GFPT1: variants seen among roughly 807,000 people sequenced by gnomAD.
GFPT1 encodes glutamine--fructose-6-phosphate aminotransferase [isomerizing] 1.
GFPT1 carries 40 observed loss-of-function variants against 92.0 expected under a neutral mutation model. The observed-to-expected ratio is 0.43, with a 90% CI of 0.34 to 0.57. The LOEUF (loss-of-function observed/expected upper bound fraction) is 0.57, where lower values mean the gene tolerates loss of function less well. Among genes scored for constraint, GFPT1 ranks in the 20% least tolerant of loss-of-function variants. The pLI, the probability that GFPT1 is intolerant of heterozygous loss-of-function variation, is 0.02. For synonymous variants in GFPT1, 269 were observed against 280.6 expected, an observed-to-expected ratio of 0.96 and a Z score of 0.41; for missense variants, 448 against 869.1, an observed-to-expected ratio of 0.52 and a Z score of 6.09.
rs1486379707 is a variant in GFPT1 at position 69,356,155 on chromosome 2, G to A, written c.605+341C>T. Reference sequence around the variant, plus strand: ...ATTACAGGCATGTGCTACCACACCCGGCTAATTTTTCTATATTTAGTAGAG... The same window carrying A: ...ATTACAGGCATGTGCTACCACACCCAGCTAATTTTTCTATATTTAGTAGAG... On this transcript the variant is annotated intron_variant, in intron 7 of 19. Transcript: ENST00000357308. Among the ~76,000 whole-genome samples the A allele has an allele frequency of 5.9e-5, 9 of 151,822 alleles. No homozygotes were observed. The East Asian group carries it at 9.7e-4, about 16-fold the overall frequency.
intron 1 of GFPT1, among the ~76,000 whole-genome samples, chr2:69,379,832 G>A (rs1042503223): frequency 1.5e-4 from 23 of 152,090 alleles, no homozygotes; most frequent in Admixed American, 9.8e-4. Flanking sequence ...CAATTCTCCT[G>A]CCTCAGCCTC....
intron 1 of GFPT1, among the ~76,000 whole-genome samples, chr2:69,375,676 C>A (rs150677190): frequency 6.6e-6 from 1 of 152,108 alleles, no homozygotes; most frequent in Non-Finnish European, 1.5e-5. Context: ...TTTTTTTAAG[C>A]TTTCCTGTAA....
intron 12 of GFPT1, among the ~76,000 whole-genome samples, chr2:69,342,831 G>A (rs1368042105): frequency 2.0e-5 from 3 of 152,152 alleles, no homozygotes; most frequent in African/African-American, 7.2e-5. Flanking sequence ...CCCCTCTGGT[G>A]CCCAGAAAGG....
chr2:69,387,136 G>A lies in GFPT1; in HGVS notation c.-65C>T, dbSNP rs1672149192. 4 of 1,492,594 alleles carry A rather than the reference G, an allele frequency of 2.7e-6. No homozygotes were observed. The highest frequency in any genetic ancestry group is 3.6e-6 in the Non-Finnish European group (4 of 1,124,942). The allele number at this position is 1,492,594 out of a possible 1,614,324, so 92.5% of individuals were successfully genotyped here. On this transcript the variant is annotated 5_prime_UTR_variant, in exon 1 of 20. Coordinates refer to ENST00000357308, the MANE Select transcript of GFPT1 (RefSeq NM_001244710.2). ...CTGGCGGGATCGGGGGTGCACACAC[G>A]AGCTTCGGTGGGCAATCTGCGGGCT...
rs562114083 is a variant in GFPT1 at position 69,381,262 on chromosome 2, C to T, written c.7+5803G>A. 1.3e-4 allele frequency among the ~76,000 whole-genome samples: 20 copies of T among 152,234 alleles called. No individual in the cohort carries two copies. In the South Asian group the frequency reaches 3.9e-3, roughly 30 times the overall value. ...CCTCCCAAAGTGCTGGGATTATAGGCGTGAGCCACTGCGCCTGGCCAGAAT... is the reference window on the plus strand; with the variant it reads ...CCTCCCAAAGTGCTGGGATTATAGGTGTGAGCCACTGCGCCTGGCCAGAAT... On this transcript the variant is annotated intron_variant, in intron 1 of 19. Transcript: ENST00000357308.
rs1046051980 is a variant in GFPT1 at position 69,339,697 on chromosome 2, C to G, written c.1204-1132G>C. ...CTCAGCAATAAAGAACTTAAAGGTG[C>G]CCTTATTTCATAGCCCTTAACTTTT... On this transcript the variant is annotated intron_variant, in intron 13 of 19. Transcript: ENST00000357308. Among the ~76,000 whole-genome samples, 4 of 152,272 alleles carry G rather than the reference C, an allele frequency of 2.6e-5. No homozygotes were observed. The East Asian group carries it at 7.7e-4, about 29-fold the overall frequency.
rs1427643664 is a variant in GFPT1, at chr2:69,332,795, C to T, written c.1483-2997G>A. Among the ~76,000 whole-genome samples the T allele has an allele frequency of 3.3e-5, 5 of 151,570 alleles. No homozygotes were observed. In the East Asian group the frequency reaches 7.7e-4, roughly 23 times the overall value. ...ATTTATGCTGAGGGGTGTGTGTGTG[C>T]GCGCGCGGATTATATGCTGAATTTC... On this transcript the variant is annotated intron_variant, in intron 15 of 19. Coordinates refer to ENST00000357308, the MANE Select transcript of GFPT1 (RefSeq NM_001244710.2).
Position 69,320,484 on chromosome 2 carries a change from C to T in GFPT1, c.*5705G>A, listed in dbSNP as rs1670378764. ...CTAAAGATCCAAAGGGTATACAATA[C>T]CTGTCAAATTTGATATGTCTGGGCA... is the stretch of plus-strand genomic sequence containing the variant. On this transcript the variant is annotated 3_prime_UTR_variant, in exon 20 of 20. Coordinates refer to ENST00000357308, the MANE Select transcript of GFPT1 (RefSeq NM_001244710.2). 1 of 152,162 alleles carries T rather than the reference C, an allele frequency of 6.6e-6. No individual in the cohort carries two copies. Among genetic ancestry groups the T allele is most frequent in the African/African-American group, 2.4e-5 (1 of 41,402 alleles). The allele number at this position is 152,162 out of a possible 1,614,324, so 9.4% of individuals were successfully genotyped here.
intron 1 of GFPT1, among the ~76,000 whole-genome samples, chr2:69,385,119 A>G (rs935380441): frequency 2.0e-5 from 3 of 152,228 alleles, no homozygotes; most frequent in Non-Finnish European, 4.4e-5. Context: ...GTAAAACTCT[A>G]TGGAATGGAG....
At chr2:69,341,532 TA>T (rs1380469254) in intron 13 of GFPT1, among the ~76,000 whole-genome samples, 2 of 152,174 alleles carry the variant, frequency 1.3e-5, no homozygotes, top group African/African-American at 4.8e-5. Flanking sequence ...CTTCTGTTCA[TA>T]ACAGTTGACA....
chr2:69,378,977 G>C (rs575488480), intron 1 of GFPT1, among the ~76,000 whole-genome samples: 1 of 152,288 alleles, frequency 6.6e-6, no homozygotes, highest in Admixed American at 6.5e-5. Context: ...GCCAGGAGCA[G>C]TGGCTCACAT....
Position 69,375,280 on chromosome 2 carries a change from T to C in GFPT1, c.8-1167A>G, listed in dbSNP as rs1212112132. Among the ~76,000 whole-genome samples, 3 of 152,220 alleles carry C rather than the reference T, an allele frequency of 2.0e-5. 1 individual carries two copies. The highest frequency in any genetic ancestry group is 7.2e-5 in the African/African-American group (3 of 41,460). ...AACTTCCTTTTTTCTTAACTACATT[T>C]CACTGTAATTCTGATTCATAAGAAG... On this transcript the variant is annotated intron_variant, in intron 1 of 19. Transcript: ENST00000357308.
intron 10 of GFPT1, among the ~76,000 whole-genome samples, chr2:69,349,679 G>T (rs566999322): frequency 1.3e-5 from 2 of 152,136 alleles, no homozygotes; most frequent in Non-Finnish European, 2.9e-5. Flanking sequence ...TGTAAAAGAT[G>T]AGTATCTACA....
chr2:69,345,553 AT>A (rs1671062922), intron 12 of GFPT1, among the ~76,000 whole-genome samples: 1 of 152,250 alleles, frequency 6.6e-6, no homozygotes, highest in South Asian at 2.1e-4. Flanking sequence ...ATTCAGTGGC[AT>A]TAAGCACATT....
intron 7 of GFPT1, 73 bp downstream of exon 7, chr2:69,356,423 T>C: frequency 9.9e-7 from 1 of 1,011,412 alleles, no homozygotes; most frequent in South Asian, 1.3e-5. Context: ...AAGGGTCATG[T>C]ATAGTCTACG....
rs896588594 is a variant in GFPT1 at position 69,327,094 on chromosome 2, C to G, written c.1894-19G>C. The stretch of plus-strand genomic sequence containing the variant: ...GCCGCCCCTAGGAAAGAAAATCACA[C>G]ACATACACAACATCACTGGTGGGCA... On this transcript the variant is annotated intron_variant, in intron 18 of 19. Coordinates refer to ENST00000357308, the MANE Select transcript of GFPT1 (RefSeq NM_001244710.2). The G allele has an allele frequency of 3.1e-6, 5 of 1,612,606 alleles. No homozygotes were observed. In the African/African-American group the frequency reaches 6.7e-5, roughly 22 times the overall value.
At chr2:69,373,939 TA>T in intron 2 of GFPT1, 66 bp downstream of exon 2, 1 of 792,088 alleles carries the variant, frequency 1.3e-6, no homozygotes, top group Non-Finnish European at 2.2e-6. Flanking sequence ...TCTAGTCTCC[TA>T]ATAACAATAA....
chr2:69,370,143 A>T, intron 2 of GFPT1, 35 bp from the exon 3 acceptor site: 1 of 1,225,952 alleles, frequency 8.2e-7, no homozygotes, highest in African/African-American at 1.5e-5. Flanking sequence ...CAAAATTTAG[A>T]AACTGGCTAC....
chr2:69,345,284 C>T (rs367748526), intron 12 of GFPT1, among the ~76,000 whole-genome samples: 10 of 152,248 alleles, frequency 6.6e-5, no homozygotes, highest in African/African-American at 2.4e-4. Context: ...TGTACTCTCA[C>T]CTCTACCTTA....
Sources: gnomAD v4.1 joint callset for allele counts (sites outside exome capture counted in the v4.1 genomes callset) on GRCh38, gnomAD v4.1.1 for gene constraint, MANE v1.5 for transcripts, NCBI Gene and HGNC (gene_info 2026-07-23, HGNC 2026-07-21) for gene names.